Variants in SLC44A5 observed in about 807,000 individuals in gnomAD.
SLC44A5 encodes the protein choline transporter-like protein 5.
A neutral mutation model predicts 101.8 loss-of-function variants in SLC44A5; 57 were observed. The ratio of observed to expected loss-of-function variants is 0.56; its 90% CI spans 0.45 to 0.70. The LOEUF (loss-of-function observed/expected upper bound fraction) is 0.70, where lower values mean the gene tolerates loss of function less well. SLC44A5 is among the 30% of genes least tolerant of loss of function. The pLI is 0.00. For synonymous variants in SLC44A5, 281 were observed against 290.9 expected (o/e 0.97, Z 0.35); for missense variants, 737 against 853.1 (o/e 0.86, Z 1.70).
intron 5 of SLC44A5, among the ~76,000 whole-genome samples, chr1:75,294,793 T>A (rs1653832249): frequency 6.6e-6 from 1 of 152,090 alleles, no homozygotes; most frequent in Non-Finnish European, 1.5e-5. Flanking sequence ...AGAAAAGTAT[T>A]GCGTGATCTC....
chr1:75,222,744 G>A (rs997682538), intron 13 of SLC44A5, among the ~76,000 whole-genome samples: 3 of 152,142 alleles, frequency 2.0e-5, no homozygotes, highest in Admixed American at 6.5e-5. Flanking sequence ...TTAGAAAATA[G>A]GAATGGAAAA....
intron 4 of SLC44A5, among the ~76,000 whole-genome samples, chr1:75,322,194 CCCAGCT>C (rs1656210134): frequency 6.6e-6 from 1 of 152,012 alleles, no homozygotes; most frequent in Admixed American, 6.6e-5. Context: ...TGCCTGTAGT[CCCAGCT>C]ACTCTGGAGG....
intron 3 of SLC44A5, among the ~76,000 whole-genome samples, chr1:75,344,634 G>T (rs1658117033): frequency 6.6e-6 from 1 of 152,044 alleles, no homozygotes; most frequent in Admixed American, 6.6e-5. Context: ...AAACTCAACT[G>T]GCTATTTCTG....
chr1:75,638,534 G>A, the SLC44A5 span, among the ~76,000 whole-genome samples: 2 of 152,112 alleles, frequency 1.3e-5, no homozygotes, highest in East Asian at 3.9e-4. Context: ...AGGTAGGAAA[G>A]CCAACGAAAG....
At position 75,583,180 on chromosome 1, in the gene SLC44A5, C is replaced by T. The variant is rs184403069; in HGVS notation, c.-70+27860G>A. On this transcript the variant is annotated intron_variant, in intron 1 of 23. Coordinates refer to ENST00000370859, the MANE Select transcript of SLC44A5 (RefSeq NM_001130058.2). ...GAGGACTCTGTTCTGGTTTTTTATACTCCTTTCTTCTCTCCCTATCCCACC... is the reference window on the plus strand; with the variant it reads ...GAGGACTCTGTTCTGGTTTTTTATATTCCTTTCTTCTCTCCCTATCCCACC... Among the ~76,000 whole-genome samples the T allele has an allele frequency of 3.6e-3, 542 of 152,280 alleles. 2 individuals carry two copies. The highest frequency in any genetic ancestry group is 0.012 in the African/African-American group (518 of 41,564).
chr1:75,474,173 G>A (rs1309495395), intron 2 of SLC44A5, among the ~76,000 whole-genome samples: 1 of 151,872 alleles, frequency 6.6e-6, no homozygotes, highest in Admixed American at 6.6e-5. Context: ...GCAACAATCT[G>A]AAAAATAAAA....
chr1:75,673,816 G>T, the SLC44A5 span, among the ~76,000 whole-genome samples: 1 of 152,134 alleles, frequency 6.6e-6, no homozygotes, highest in Non-Finnish European at 1.5e-5. Flanking sequence ...GATCACCAGG[G>T]TAGTACCCCT....
intron 3 of SLC44A5, among the ~76,000 whole-genome samples, chr1:75,391,957 C>T (rs976819670): frequency 1.3e-5 from 2 of 152,068 alleles, no homozygotes; most frequent in Admixed American, 1.3e-4. Flanking sequence ...AGTTTGAGAC[C>T]AGCCTGGGCA....
chr1:75,607,334 T>G (rs904865176), intron 1 of SLC44A5, among the ~76,000 whole-genome samples: 1 of 152,064 alleles, frequency 6.6e-6, no homozygotes, highest in African/African-American at 2.4e-5. Context: ...TAAAAATATA[T>G]TCAGTATCCT....
chr1:75,520,170 G>T (rs1056495688), intron 2 of SLC44A5, among the ~76,000 whole-genome samples: 6 of 152,104 alleles, frequency 3.9e-5, no homozygotes, highest in Non-Finnish European at 8.8e-5. Context: ...TATTTTAAGG[G>T]ATAATAATAT....
chr1:75,710,689 T>A, the SLC44A5 span: 1 of 151,178 alleles, frequency 6.6e-6, no homozygotes, highest in East Asian at 1.9e-4. Flanking sequence ...TTGATTAGCA[T>A]AGCTCCCTAT....
intron 3 of SLC44A5, among the ~76,000 whole-genome samples, chr1:75,376,770 C>T (rs1233333661): frequency 5.9e-5 from 9 of 152,292 alleles, no homozygotes; most frequent in South Asian, 2.1e-4. Context: ...AAAAGCAGAG[C>T]GCCTCTCCTC....
chr1:75,539,480 T>A (rs1318194791), intron 2 of SLC44A5, among the ~76,000 whole-genome samples: 1 of 152,232 alleles, frequency 6.6e-6, no homozygotes, highest in Non-Finnish European at 1.5e-5. Flanking sequence ...AGTATCCAAG[T>A]GTTGTCCTAT....
At chr1:75,263,141 A>G (rs1249542106) in intron 6 of SLC44A5, among the ~76,000 whole-genome samples, 1 of 152,234 alleles carries the variant, frequency 6.6e-6, no homozygotes, top group African/African-American at 2.4e-5. Context: ...GGGTCTAATT[A>G]AACTAAAGAA....
intron 3 of SLC44A5, among the ~76,000 whole-genome samples, chr1:75,351,826 T>A (rs1408350868): frequency 3.3e-4 from 2 of 6,004 alleles, no homozygotes; most frequent in African/African-American, 8.1e-4. Flanking sequence ...GCACTCATCA[T>A]AATGAATAAC....
At chr1:75,209,040 A>G (rs146059964) in intron 23 of SLC44A5, among the ~76,000 whole-genome samples, 1,763 of 152,314 alleles carry the variant, frequency 0.012, 42 homozygotes, top group African/African-American at 0.04. Context: ...AGTAACAGCT[A>G]GGGGAGGAAG....
intron 6 of SLC44A5, among the ~76,000 whole-genome samples, chr1:75,252,486 C>G (rs1649661110): frequency 2.0e-5 from 3 of 152,122 alleles, no homozygotes; most frequent in African/African-American, 2.4e-5. Flanking sequence ...GGATCAGAGA[C>G]AGTGGAGTCG....
At chr1:75,703,641 C>T in the SLC44A5 span, among the ~76,000 whole-genome samples, 1 of 142,780 alleles carries the variant, frequency 7.0e-6, no homozygotes, top group Non-Finnish European at 1.5e-5. Context: ...TGCTCATGTA[C>T]CCTAAAACTT....
chr1:75,614,694 T>C (rs1675790649), upstream of SLC44A5, among the ~76,000 whole-genome samples: 1 of 152,188 alleles, frequency 6.6e-6, no homozygotes, highest in South Asian at 2.1e-4. Flanking sequence ...GTTCCTGTCC[T>C]TTTTTATATA....
Sources: gnomAD v4.1 joint callset for allele counts (sites outside exome capture counted in the v4.1 genomes callset) on GRCh38, gnomAD v4.1.1 for gene constraint, MANE v1.5 for transcripts, NCBI Gene and HGNC (gene_info 2026-07-23, HGNC 2026-07-21) for gene names.